The following ATP5PB variants were observed in gnomAD, a reference collection of about 807,000 sequenced individuals.
ATP5PB encodes the protein ATP synthase peripheral stalk subunit b, mitochondrial.
In ATP5PB, 21 loss-of-function variants were observed where a neutral mutation model predicts 34.5. The observed-to-expected ratio is 0.61, with a 90% CI of 0.43 to 0.88. The LOEUF is 0.88. ATP5PB is among the 40% of genes least tolerant of loss of function. ATP5PB has a pLI of 0.00. For synonymous variants in ATP5PB, 108 were observed against 114.1 expected, an observed-to-expected ratio of 0.95 and a Z score of 0.34; for missense variants, 293 against 317.4, an observed-to-expected ratio of 0.92 and a Z score of 0.58.
chr1:111,449,553 G>A lies in ATP5PB; in HGVS notation c.12G>A (p.Arg4=), dbSNP rs1339834103. The change falls in exon 1 of 7, where the codon CGG becomes CGA. Residue 4 remains arginine, a synonymous_variant. Transcript: ENST00000369722. MLS[R]VVLSAAATAA... Reference sequence around the variant, plus strand: ...GACTTTCGTTGACCATGCTGTCCCGGGTGGTACTTTCCGCCGCCGCCACAG... The same window carrying A: ...GACTTTCGTTGACCATGCTGTCCCGAGTGGTACTTTCCGCCGCCGCCACAG... The A allele has an allele frequency of 6.2e-7, 1 of 1,611,502 alleles. No homozygotes were observed. Among genetic ancestry groups the A allele is most frequent in the African/African-American group, 1.3e-5 (1 of 74,740 alleles).
chr1:111,456,816 AG>A, intron 5 of ATP5PB, 61 bp downstream of exon 5: 1 of 1,487,350 alleles, frequency 6.7e-7, no homozygotes, highest in Non-Finnish European at 8.9e-7. Flanking sequence ...TTTTTAATTC[AG>A]AATTTTTTAT....
At position 111,461,536 on chromosome 1, in the gene ATP5PB, CTT is replaced by C. The variant is rs1328081188; in HGVS notation, c.*544_*545del. ...ATTATATATCAATTCATATCATTGA[CTT>C]TATTATTTTAGTAGTATGCCTATAG... On this transcript the variant is annotated 3_prime_UTR_variant, in exon 7 of 7. Transcript: ENST00000369722. 1 of 152,400 alleles carries C rather than the reference CTT, an allele frequency of 6.6e-6. No individual in the cohort carries two copies. The highest frequency in any genetic ancestry group is 1.5e-5 in the Non-Finnish European group (1 of 68,206). 9.4% of individuals were successfully genotyped at this position (152,400 alleles called of 1,614,324 possible). A position where few individuals can be genotyped will look rare whatever the true frequency, so the allele number is the denominator to read the frequency against.
intron 5 of ATP5PB, among the ~76,000 whole-genome samples, chr1:111,459,213 A>G (rs1245391704): frequency 1.3e-5 from 2 of 152,204 alleles, no homozygotes; most frequent in Admixed American, 1.3e-4. Context: ...GGGAGGGAAT[A>G]CAAGAAATAC....
chr1:111,449,842 T>A lies in ATP5PB; in HGVS notation c.46T>A (p.Ser16Thr). The A allele has an allele frequency of 6.2e-7, 1 of 1,614,166 alleles. No homozygotes were observed. Among genetic ancestry groups the A allele is most frequent in the Non-Finnish European group, 8.5e-7 (1 of 1,180,008 alleles). ...VLSAAATAAP[S>T]LKNAAFLGPG... is the part of the protein sequence containing the mutation. ...TTCGCCTTGTCTATCTGCAGCCCCC[T>A]CTCTGAAGAATGCAGCCTTCCTAGG... Residue 16 changes from serine to threonine, a missense_variant, in exon 2 of 7, where the codon TCT becomes ACT. Physicochemically the swap from Ser to Thr is moderately conservative, Grantham distance 58. Coordinates refer to ENST00000369722, the MANE Select transcript of ATP5PB (RefSeq NM_001688.5).
At chr1:111,457,440 C>T (rs1406215946) in intron 5 of ATP5PB, among the ~76,000 whole-genome samples, 1 of 152,056 alleles carries the variant, frequency 6.6e-6, no homozygotes. Flanking sequence ...GGAATATGTT[C>T]AAGTATTTTG....
chr1:111,460,850 G>A (rs892887721), intron 6 of ATP5PB, 67 bp from the exon 7 acceptor site: 24 of 1,387,198 alleles, frequency 1.7e-5, no homozygotes, highest in Non-Finnish European at 2.2e-5. Flanking sequence ...TAGAATAATG[G>A]TGTTTATACT....
chr1:111,451,402 A>G (rs893802350), intron 2 of ATP5PB, among the ~76,000 whole-genome samples: 6 of 151,998 alleles, frequency 3.9e-5, no homozygotes, highest in African/African-American at 7.3e-5. Flanking sequence ...GTTGCTCCCT[A>G]TCCGCTTACC....
rs760752798 is a variant in ATP5PB at position 111,449,838 on chromosome 1, C to T, written c.42C>T (p.Ala14=). The T allele has an allele frequency of 1.3e-5, 21 of 1,614,004 alleles. No individual in the cohort carries two copies. The East Asian group carries it at 3.3e-4, about 26-fold the overall frequency. The change falls in exon 2 of 7, where the codon GCC becomes GCT. Residue 14 remains alanine, a splice_region_variant and synonymous_variant. Transcript: ENST00000369722. ...GACCTTCGCCTTGTCTATCTGCAGC[C>T]CCCTCTCTGAAGAATGCAGCCTTCC... ...RVVLSAAATA[A]PSLKNAAFLG...
intron 5 of ATP5PB, 32 bp from the exon 6 acceptor site, chr1:111,459,425 A>G: frequency 6.3e-7 from 1 of 1,578,032 alleles, no homozygotes; most frequent in Non-Finnish European, 8.6e-7. Flanking sequence ...AAGTATACAA[A>G]CAATATTTAT....
At position 111,455,986 on chromosome 1, in the gene ATP5PB, A is replaced by G. The variant is rs1571376904; in HGVS notation, c.224-100A>G. On this transcript the variant is annotated intron_variant, in intron 3 of 6. Transcript: ENST00000369722. ...TTTTGTCTTTGAATCTAATTAAGTCATTACTTTGCCTTCAGCTAATCAAAT... is the reference window on the plus strand; with the variant it reads ...TTTTGTCTTTGAATCTAATTAAGTCGTTACTTTGCCTTCAGCTAATCAAAT... 26 of 1,063,944 alleles carry G rather than the reference A, an allele frequency of 2.4e-5. No homozygotes were observed. The East Asian group carries it at 7.0e-4, about 29-fold the overall frequency. 65.9% of individuals were successfully genotyped at this position (1,063,944 alleles called of 1,614,324 possible). A position where few individuals can be genotyped will look rare whatever the true frequency, so the allele number is the denominator to read the frequency against.
At chr1:111,455,936 T>G (rs367921241) in intron 3 of ATP5PB, 150 bp from the exon 4 acceptor site, 7 of 604,138 alleles carry the variant, frequency 1.2e-5, no homozygotes, top group Middle Eastern at 9.7e-4. Context: ...CTTTCAACTC[T>G]ACCATACTGC....
intron 3 of ATP5PB, 149 bp downstream of exon 3, chr1:111,454,505 G>A (rs1180611739): frequency 3.9e-6 from 4 of 1,017,288 alleles, no homozygotes; most frequent in South Asian, 3.6e-5. Flanking sequence ...CACCCAGGAT[G>A]GAGTGATAGA....
chr1:111,459,742 G>C, intron 6 of ATP5PB, 106 bp downstream of exon 6: 1 of 1,251,462 alleles, frequency 8.0e-7, no homozygotes, highest in Non-Finnish European at 1.1e-6. Context: ...CTTTAGCCTA[G>C]AAGTAGCAGT....
chr1:111,450,086 T>G (rs1018461794), intron 2 of ATP5PB, among the ~76,000 whole-genome samples: 2 of 152,172 alleles, frequency 1.3e-5, no homozygotes, highest in Non-Finnish European at 2.9e-5. Context: ...ATAAGTAACG[T>G]ATTCTAACTA....
At chr1:111,454,089 C>A in intron 2 of ATP5PB, 122 bp from the exon 3 acceptor site, 1 of 1,085,780 alleles carries the variant, frequency 9.2e-7, no homozygotes, top group Non-Finnish European at 1.3e-6. Flanking sequence ...CATTCTCTTT[C>A]CATTATGAGA....
rs1427624019 is a variant in ATP5PB, at chr1:111,452,860, A to G, written c.78-1351A>G. Among the ~76,000 whole-genome samples, 3 of 152,212 alleles carry G rather than the reference A, an allele frequency of 2.0e-5. No individual in the cohort carries two copies. The East Asian group carries it at 5.8e-4, about 29-fold the overall frequency. On this transcript the variant is annotated intron_variant, in intron 2 of 6. Coordinates refer to ENST00000369722, the MANE Select transcript of ATP5PB (RefSeq NM_001688.5). ...ACAAAGATACTGCCAGACATTCTAC[A>G]ATGCACAGAACAACCTCTTACAACA...
chr1:111,449,540 C>T lies in ATP5PB; in HGVS notation c.-2C>T, dbSNP rs1000526200. The T allele has an allele frequency of 6.8e-6, 11 of 1,613,500 alleles. No individual in the cohort carries two copies. Among genetic ancestry groups the T allele is most frequent in the Non-Finnish European group, 9.3e-6 (11 of 1,179,732 alleles). ...AGATTGCTACCTGGACTTTCGTTGA[C>T]CATGCTGTCCCGGGTGGTACTTTCC... On this transcript the variant is annotated 5_prime_UTR_variant, in exon 1 of 7. Coordinates refer to ENST00000369722, the MANE Select transcript of ATP5PB (RefSeq NM_001688.5).
At position 111,456,099 on chromosome 1, in the gene ATP5PB, C is replaced by T. The variant is rs61752543; in HGVS notation, c.237C>T (p.Leu79=). The part of the protein sequence containing the change: ...PKTGVTGPYV[L]GTGLILYALS... ...TTCTTCTTTTAGGACCCTATGTACTCGGAACTGGGCTTATCTTGTACGCTT... is the reference window on the plus strand; with the variant it reads ...TTCTTCTTTTAGGACCCTATGTACTTGGAACTGGGCTTATCTTGTACGCTT... The change falls in exon 4 of 7, where the codon CTC becomes CTT. Residue 79 remains leucine, a synonymous_variant. Coordinates refer to ENST00000369722, the MANE Select transcript of ATP5PB (RefSeq NM_001688.5). The T allele has an allele frequency of 2.5e-3, 4,036 of 1,586,368 alleles. 76 individuals carry two copies. In the African/African-American group the frequency reaches 0.045, roughly 18 times the overall value.
In ATP5PB at chr1:111,459,445, A is replaced by T. The variant is rs749951936; in HGVS notation, c.514-12A>T. 3.1e-6 allele frequency: 5 copies of T among 1,594,006 alleles called. No homozygotes were observed. The highest frequency in any genetic ancestry group is 4.3e-6 in the Non-Finnish European group (5 of 1,167,772). On this transcript the variant is annotated splice_polypyrimidine_tract_variant and intron_variant, in intron 5 of 6. Transcript: ENST00000369722. ...TACAAACAATATTTATCATTTCTTA[A>T]TTTTGCCCCAGAATAACATTGCTAT...
Sources: gnomAD v4.1 joint callset for allele counts (sites outside exome capture counted in the v4.1 genomes callset) on GRCh38, gnomAD v4.1.1 for gene constraint, MANE v1.5 for transcripts, NCBI Gene and HGNC (gene_info 2026-07-23, HGNC 2026-07-21) for gene names.